The following INTS2 variants were observed in gnomAD, a reference collection of about 807,000 sequenced individuals.
INTS2 encodes KIAA1287.
INTS2 carries 57 observed loss-of-function variants against 139.6 expected under a neutral mutation model. That is an observed-to-expected ratio of 0.41 (90% CI 0.33 to 0.51). The LOEUF is 0.51. INTS2 is among the 20% of genes least tolerant of loss of function. The probability of loss-of-function intolerance (pLI) is 0.28; values close to 1 mark genes in which losing one functional copy is unlikely to be tolerated. For missense variants in INTS2, 1,196 were observed against 1,436.7 expected, an observed-to-expected ratio of 0.83 and a Z score of 2.71; for synonymous variants, 473 against 493.4, an observed-to-expected ratio of 0.96 and a Z score of 0.55.
In INTS2 at chr17:61,895,192, AATC is replaced by A. The variant is rs540553998; in HGVS notation, c.1563+120_1563+122del. ...TTAAGAAAGTTTCAAAGATGAAATA[AATC>A]ATCATGAGTTTAAAAAGAAAAAAGA... On this transcript the variant is annotated intron_variant, in intron 12 of 24. Coordinates refer to ENST00000251334, the MANE Select transcript of INTS2 (RefSeq NM_001351695.2). The A allele has an allele frequency of 4.5e-4, 272 of 602,816 alleles. No homozygotes were observed. The African/African-American group carries it at 4.8e-3, about 11-fold the overall frequency. The allele number at this position is 602,816 out of a possible 1,614,324, so 37.3% of individuals were successfully genotyped here. A position where few individuals can be genotyped will look rare whatever the true frequency, so the allele number is the denominator to read the frequency against.
Position 61,897,582 on chromosome 17 carries a change from T to A in INTS2, c.1381A>T (p.Thr461Ser). Residue 461 changes from threonine (T) to serine (S), a missense_variant and splice_region_variant, in exon 11 of 25, where the codon ACT (threonine) becomes TCT (serine). Transcript: ENST00000251334. This position sits in a 1 kb window ranked among gnomAD's most constrained non-coding sequence, Gnocchi z 4.4. ...CCAAAAGAAGCAGAGACGCCTGAAG[T>A]ACTGTCAAAACAAAATAGGAAATAT... ...MIKEEAYFES[T>S]SGVSASFGEM... 1 of 1,597,294 alleles carries A rather than the reference T, an allele frequency of 6.3e-7. No individual in the cohort carries two copies. Among genetic ancestry groups the A allele is most frequent in the Admixed American group, 1.7e-5 (1 of 57,362 alleles).
intron 5 of INTS2, among the ~76,000 whole-genome samples, chr17:61,912,947 G>C (rs1428728233): frequency 6.6e-6 from 1 of 151,904 alleles, no homozygotes; most frequent in East Asian, 1.9e-4. Context: ...GTGGTAATGC[G>C]CACCTATAGT....
intron 9 of INTS2, among the ~76,000 whole-genome samples, chr17:61,898,875 A>G (rs2079376326): frequency 1.3e-5 from 2 of 152,150 alleles, no homozygotes; most frequent in South Asian, 4.1e-4. Flanking sequence ...CAGCCTCCCA[A>G]AGTGCTGGGA....
In INTS2 at chr17:61,867,573, C is replaced by T. The variant is rs572625171; in HGVS notation, c.3575G>A (p.Ser1192Asn). The T allele has an allele frequency of 1.9e-6, 3 of 1,602,252 alleles. No homozygotes were observed. Among genetic ancestry groups the T allele is most frequent in the African/African-American group, 2.7e-5 (2 of 74,572 alleles). Residue 1192 changes from serine (S) to asparagine (N), a missense_variant, in exon 25 of 25, where the codon AGT (serine) becomes AAT (asparagine). This residue lies in a region of INTS2 where 1,129 missense variants were observed against 1,341.9 expected (regional missense o/e 0.84). Transcript: ENST00000251334. This position sits in a 1 kb window ranked among gnomAD's most constrained non-coding sequence, Gnocchi z 5.6. The part of the protein sequence containing the change: ...ERTVIEIINM[S>N]VSGI ...AATTTTGTTTTAAATTCCACTAACA[C>T]TCATATTTATTATTTCAATTACTGT...
At chr17:61,884,527 G>A (rs1439923758) in intron 16 of INTS2, among the ~76,000 whole-genome samples, 1 of 151,832 alleles carries the variant, frequency 6.6e-6, no homozygotes. Flanking sequence ...AAAAGAGGTA[G>A]TGTACAATAC....
chr17:61,914,557 G>A (rs368962425), intron 5 of INTS2, among the ~76,000 whole-genome samples: 33 of 151,976 alleles, frequency 2.2e-4, no homozygotes, highest in East Asian at 1.4e-3. Flanking sequence ...AAAATTAGCC[G>A]GGCGTGGTGG....
At chr17:61,890,004 C>G (rs769256559) in intron 14 of INTS2, 110 bp from the exon 15 acceptor site, 2 of 672,028 alleles carry the variant, frequency 3.0e-6, no homozygotes, top group African/African-American at 1.8e-5. Flanking sequence ...CTGCTCCTAA[C>G]TCAGGTAAAA....
At position 61,876,907 on chromosome 17, in the gene INTS2, A is replaced by T. The variant is rs1330124060; in HGVS notation, c.2456+980T>A. Among the ~76,000 whole-genome samples the T allele has an allele frequency of 6.6e-6, 1 of 152,224 alleles. No homozygotes were observed. Among genetic ancestry groups the T allele is most frequent in the Non-Finnish European group, 1.5e-5 (1 of 68,032 alleles). On this transcript the variant is annotated intron_variant, in intron 18 of 24. Transcript: ENST00000251334. The surrounding 1 kb of genome is among the most constrained non-coding windows in gnomAD (Gnocchi z 4.1). Reference sequence around the variant, plus strand: ...ATTAACTAACCCAACATATATGTTGAGTAAGGGGGAGGGCACTTGCATAAG... The same window carrying T: ...ATTAACTAACCCAACATATATGTTGTGTAAGGGGGAGGGCACTTGCATAAG...
At chr17:61,905,324 TTTTC>T (rs1221310246) in intron 8 of INTS2, among the ~76,000 whole-genome samples, 9 of 152,174 alleles carry the variant, frequency 5.9e-5, no homozygotes, top group South Asian at 2.1e-4. Flanking sequence ...AATTAAACTG[TTTTC>T]TTTCTTTCTT....
At chr17:61,890,160 T>C (rs1488637577) in intron 14 of INTS2, among the ~76,000 whole-genome samples, 1 of 152,152 alleles carries the variant, frequency 6.6e-6, no homozygotes, top group Non-Finnish European at 1.5e-5. Flanking sequence ...AGCAAACCCA[T>C]CAGGCTGCTT....
At chr17:61,907,292 C>T (rs767909134) in intron 8 of INTS2, 116 bp downstream of exon 8, 6 of 782,792 alleles carry the variant, frequency 7.7e-6, no homozygotes, top group Non-Finnish European at 1.2e-5. Context: ...CAGCCCACTA[C>T]CTGAGTCCAA....
chr17:61,919,314 T>C, intron 5 of INTS2, 86 bp downstream of exon 5: 1 of 666,564 alleles, frequency 1.5e-6, no homozygotes, highest in Non-Finnish European at 2.7e-6. Context: ...TAAAATCCCA[T>C]TAATGTTTCT....
In INTS2 at chr17:61,891,585, T is replaced by C. The variant is rs1327237711; in HGVS notation, c.1803A>G (p.Lys601=). 1 of 1,613,684 alleles carries C rather than the reference T, an allele frequency of 6.2e-7. No individual in the cohort carries two copies. The highest frequency in any genetic ancestry group is 8.5e-7 in the Non-Finnish European group (1 of 1,179,790). The change falls in exon 14 of 25, where the codon AAA becomes AAG. Residue 601 remains lysine (K), a synonymous_variant. Transcript: ENST00000251334. ...GCTGATTTGTGGCTTCTGGATTAGA[T>C]TTCGACGCAGGAGTAAGTATAGAAT... ...YINSILTPAS[K]SNPEATNQPV...
intron 17 of INTS2, among the ~76,000 whole-genome samples, chr17:61,879,680 C>T (rs1049732235): frequency 6.6e-6 from 1 of 152,034 alleles, no homozygotes; most frequent in Non-Finnish European, 1.5e-5. Context: ...GCAACCCTTT[C>T]TCTACAAAAA....
At position 61,865,811 on chromosome 17, in the gene INTS2, TTA is replaced by T. The variant is rs2079040518; in HGVS notation, c.*1744_*1745del. The T allele has an allele frequency of 6.6e-6, 1 of 152,254 alleles. No homozygotes were observed. The highest frequency in any genetic ancestry group is 6.5e-5 in the Admixed American group (1 of 15,280). The allele number at this position is 152,254 out of a possible 1,614,324, so 9.4% of individuals were successfully genotyped here. A position where few individuals can be genotyped will look rare whatever the true frequency, so the allele number is the denominator to read the frequency against. On this transcript the variant is annotated 3_prime_UTR_variant, in exon 25 of 25. Coordinates refer to ENST00000251334, the MANE Select transcript of INTS2 (RefSeq NM_001351695.2). This position sits in a 1 kb window ranked among gnomAD's most constrained non-coding sequence, Gnocchi z 4.8. ...TATTTTTAAGATACTTTTATTACTT[TTA>T]TTTTTCACATCAAAATTACTTAATT...
rs898630525 is a variant in INTS2 at position 61,876,727 on chromosome 17, G to A, written c.2456+1160C>T. Among the ~76,000 whole-genome samples the A allele has an allele frequency of 2.6e-5, 4 of 152,196 alleles. No homozygotes were observed. The highest frequency in any genetic ancestry group is 2.1e-4 in the South Asian group (1 of 4,814). On this transcript the variant is annotated intron_variant, in intron 18 of 24. Coordinates refer to ENST00000251334, the MANE Select transcript of INTS2 (RefSeq NM_001351695.2). This position sits in a 1 kb window ranked among gnomAD's most constrained non-coding sequence, Gnocchi z 4.1. ...CAAAGTGCTAAGATTACAGGTGTGG[G>A]CCAGTGCACCCAGCCAAAAAAATGT...
At chr17:61,892,415 AACATGTCAAAATTC>A (rs1409293998) in intron 13 of INTS2, among the ~76,000 whole-genome samples, 4 of 152,172 alleles carry the variant, frequency 2.6e-5, no homozygotes, top group Non-Finnish European at 4.4e-5. Context: ...GACAAATCAA[AACATGTCAAAATTC>A]TAAGTTAGGT....
intron 4 of INTS2, 67 bp from the exon 5 acceptor site, chr17:61,919,580 T>C (rs1191250645): frequency 2.4e-6 from 2 of 841,268 alleles, no homozygotes; most frequent in Non-Finnish European, 3.9e-6. Flanking sequence ...CAGCTAATTT[T>C]TTTTATTTTC....
At chr17:61,914,462 G>A (rs1279751548) in intron 5 of INTS2, among the ~76,000 whole-genome samples, 1 of 152,086 alleles carries the variant, frequency 6.6e-6, no homozygotes, top group Non-Finnish European at 1.5e-5. Flanking sequence ...CACTTTGGGA[G>A]GCCACAGAGG....
Sources: gnomAD v4.1 joint callset for allele counts (sites outside exome capture counted in the v4.1 genomes callset) on GRCh38, gnomAD v4.1.1 for gene constraint, gnomAD v4.1.1 regional missense constraint, Gnocchi (gnomAD v3.1) non-coding constraint, MANE v1.5 for transcripts, NCBI Gene and HGNC (gene_info 2026-07-23, HGNC 2026-07-21) for gene names.